The following GPC5 variants were observed in gnomAD, a reference collection of about 807,000 sequenced individuals.
GPC5 encodes the protein glypican 5, also known as glypican-5.
Under a neutral mutation model 53.9 loss-of-function variants are expected in GPC5, and 47 were observed. The ratio of observed to expected loss-of-function variants is 0.87; its 90% CI spans 0.69 to 1.11. GPC5 has a LOEUF of 1.11. Ranked by LOEUF, GPC5 falls within the 50% of genes most tolerant of loss-of-function variation. GPC5 has a pLI of 0.00. For missense variants in GPC5, 748 were observed against 713.1 expected, an observed-to-expected ratio of 1.05 and a Z score of -0.56; for synonymous variants, 286 against 263.3, an observed-to-expected ratio of 1.09 and a Z score of -0.84.
At chr13:92,633,208 T>A (rs1369644586) in intron 7 of GPC5, among the ~76,000 whole-genome samples, 2 of 152,176 alleles carry the variant, frequency 1.3e-5, no homozygotes, top group Non-Finnish European at 2.9e-5. Context: ...TCCCATTTTT[T>A]AAAACCATCA....
chr13:92,026,502 T>C (rs539129352), intron 6 of GPC5, among the ~76,000 whole-genome samples: 2 of 151,454 alleles, frequency 1.3e-5, no homozygotes, highest in African/African-American at 2.4e-5. Flanking sequence ...AGATATTTAA[T>C]TGAATCATTA....
intron 2 of GPC5, among the ~76,000 whole-genome samples, chr13:91,466,222 G>A (rs947962850): frequency 4.6e-5 from 7 of 152,118 alleles, no homozygotes; most frequent in South Asian, 2.1e-4. Flanking sequence ...GAAAATTAGC[G>A]TAAAAGTGCT....
At chr13:92,448,258 AT>A (rs1176308657) in intron 7 of GPC5, 5 of 152,130 alleles carry the variant, frequency 3.3e-5, no homozygotes, top group African/African-American at 1.2e-4. Context: ...ATTTATTGGC[AT>A]TTAAAGAGAA....
chr13:91,603,568 G>T (rs1426624651), intron 2 of GPC5, among the ~76,000 whole-genome samples: 3 of 152,200 alleles, frequency 2.0e-5, no homozygotes, highest in Non-Finnish European at 4.4e-5. Context: ...TGATGCAGGT[G>T]TTATTGCTGA....
chr13:91,899,427 C>A (rs1464989338), intron 5 of GPC5, among the ~76,000 whole-genome samples: 3 of 151,996 alleles, frequency 2.0e-5, no homozygotes, highest in Non-Finnish European at 2.9e-5. Context: ...TATTGTTTTA[C>A]AGTAATAAAA....
chr13:91,850,973 T>C (rs1361609760), intron 5 of GPC5, among the ~76,000 whole-genome samples: 5 of 152,190 alleles, frequency 3.3e-5, no homozygotes, highest in African/African-American at 9.7e-5. Flanking sequence ...GACACATACC[T>C]GCCTCTTTGG....
chr13:92,339,130 G>C (rs1255068579), intron 7 of GPC5, among the ~76,000 whole-genome samples: 1 of 151,460 alleles, frequency 6.6e-6, no homozygotes, highest in African/African-American at 2.4e-5. Context: ...GGTCATAGAG[G>C]TGAATCCAGA....
intron 7 of GPC5, among the ~76,000 whole-genome samples, chr13:92,249,561 T>A (rs1415780311): frequency 1.3e-5 from 2 of 152,084 alleles, no homozygotes; most frequent in African/African-American, 4.8e-5. Flanking sequence ...GTTTTCCTAC[T>A]GTCACTTTTC....
intron 5 of GPC5, among the ~76,000 whole-genome samples, chr13:91,798,479 A>G (rs192686612): frequency 2.0e-5 from 3 of 152,276 alleles, no homozygotes; most frequent in African/African-American, 7.2e-5. Flanking sequence ...GCCGAGGATA[A>G]CAGCTTCCAG....
chr13:91,843,600 T>C (rs992243806), intron 5 of GPC5, among the ~76,000 whole-genome samples: 4 of 152,152 alleles, frequency 2.6e-5, no homozygotes, highest in African/African-American at 9.7e-5. Flanking sequence ...AGAAATTACT[T>C]ATAGAAAATG....
chr13:92,720,803 G>C (rs574710765), intron 7 of GPC5, among the ~76,000 whole-genome samples: 3 of 152,106 alleles, frequency 2.0e-5, no homozygotes, highest in East Asian at 3.9e-4. Flanking sequence ...TTGTGCAAAG[G>C]GTGTGTATTT....
At chr13:91,603,366 C>T (rs1185289499) in intron 2 of GPC5, among the ~76,000 whole-genome samples, 1 of 152,266 alleles carries the variant, frequency 6.6e-6, no homozygotes, top group East Asian at 1.9e-4. Context: ...GACCAGCTCA[C>T]TGAGCATTGA....
At chr13:92,568,164 A>G (rs1882917119) in intron 7 of GPC5, among the ~76,000 whole-genome samples, 1 of 152,154 alleles carries the variant, frequency 6.6e-6, no homozygotes, top group Admixed American at 6.6e-5. Context: ...TCTAAAAAAA[A>G]GAAGAAATAA....
At chr13:92,140,132 TAAG>T (rs1317579143) in intron 6 of GPC5, among the ~76,000 whole-genome samples, 3 of 151,862 alleles carry the variant, frequency 2.0e-5, no homozygotes, top group South Asian at 2.1e-4. Flanking sequence ...GTAGATAAAA[TAAG>T]AAAATGAAAG....
intron 5 of GPC5, among the ~76,000 whole-genome samples, chr13:91,759,485 A>G (rs926581078): frequency 6.6e-6 from 1 of 152,008 alleles, no homozygotes; most frequent in Non-Finnish European, 1.5e-5. Context: ...CTGTCTAACT[A>G]TATTTTATAC....
intron 6 of GPC5, among the ~76,000 whole-genome samples, chr13:91,927,156 A>G (rs919355793): frequency 1.3e-5 from 2 of 152,200 alleles, no homozygotes; most frequent in Admixed American, 6.5e-5. Flanking sequence ...CTAATAGAGA[A>G]ATTACATTTG....
At chr13:92,073,558 GA>G (rs144707704) in intron 6 of GPC5, among the ~76,000 whole-genome samples, 1,894 of 152,272 alleles carry the variant, frequency 0.012, 40 homozygotes, top group African/African-American at 0.043. Context: ...CACTGGTTTA[GA>G]TATAATTGCC....
intron 6 of GPC5, among the ~76,000 whole-genome samples, chr13:92,038,376 ATAGATAGG>A (rs199532019): frequency 0.064 from 8,262 of 129,984 alleles, 282 homozygotes; most frequent in African/African-American, 0.079. Flanking sequence ...AGATAGATAG[ATAGATAGG>A]TAGATAGATA....
chr13:91,970,061 C>T (rs757529090), intron 6 of GPC5, among the ~76,000 whole-genome samples: 1 of 152,088 alleles, frequency 6.6e-6, no homozygotes, highest in Non-Finnish European at 1.5e-5. Context: ...GTGCTAGATA[C>T]ACACAATGGA....
Sources: gnomAD v4.1 joint callset for allele counts (sites outside exome capture counted in the v4.1 genomes callset) on GRCh38, gnomAD v4.1.1 for gene constraint, MANE v1.5 for transcripts, NCBI Gene and HGNC (gene_info 2026-07-23, HGNC 2026-07-21) for gene names.